Variants in BCAS3 observed in about 807,000 individuals in gnomAD.
BCAS3 encodes BCAS3 microtubule associated cell migration factor, also known as BCAS4/BCAS3 fusion.
In BCAS3, 53 loss-of-function variants were observed where a neutral mutation model predicts 116.1. The observed-to-expected ratio is 0.46, with a 90% CI of 0.37 to 0.57. The LOEUF (loss-of-function observed/expected upper bound fraction) is 0.57, where lower values mean the gene tolerates loss of function less well. Ranked by LOEUF, BCAS3 falls within the 20% of genes least tolerant of loss-of-function variation. The probability of loss-of-function intolerance (pLI) is 0.00; values close to 1 mark genes in which losing one functional copy is unlikely to be tolerated. For synonymous variants in BCAS3, 391 were observed against 408.2 expected (o/e 0.96, Z 0.51); for missense variants, 917 against 1,165.4 (o/e 0.79, Z 3.10).
chr17:61,078,360 C>T lies in BCAS3; in HGVS notation c.2158C>T (p.His720Tyr). The T allele has an allele frequency of 6.2e-7, 1 of 1,614,012 alleles. No individual in the cohort carries two copies. Among genetic ancestry groups the T allele is most frequent in the Non-Finnish European group, 8.5e-7 (1 of 1,179,940 alleles). ...QVEIVTHTGP[H>Y]RRLWMGPQFQ... ...TGAAATTGTAACACACACTGGACCC[C>T]ATAGACGTCTGTGGATGGGTCCACA... Residue 720 changes from histidine (H) to tyrosine (Y), a missense_variant, in exon 21 of 24, where the codon CAT becomes TAT. By Grantham distance (83) the His-to-Tyr change is moderately conservative (BLOSUM62 2). Around this residue, in one of 3 missense-constraint regions of BCAS3, gnomAD observed 807 missense variants for 1,026.0 expected, o/e 0.79. Transcript: ENST00000407086.
rs1260646277 is a variant in BCAS3, at chr17:61,387,028, C to T, written c.2594-4949C>T. Among the ~76,000 whole-genome samples the T allele has an allele frequency of 1.3e-5, 2 of 152,196 alleles. No homozygotes were observed. Among genetic ancestry groups the T allele is most frequent in the Non-Finnish European group, 2.9e-5 (2 of 68,022 alleles). On this transcript the variant is annotated intron_variant, in intron 23 of 23. Transcript: ENST00000407086. The surrounding 1 kb of genome is among the most constrained non-coding windows in gnomAD (Gnocchi z 6.2). Reference sequence around the variant, plus strand: ...GCTTCAAGTGATCCCCTTGCCTTGGCTTCCCAAAGTGTGGGATTACAGGTG... The same window carrying T: ...GCTTCAAGTGATCCCCTTGCCTTGGTTTCCCAAAGTGTGGGATTACAGGTG...
chr17:61,090,491 A>G (rs1005567395), intron 22 of BCAS3, among the ~76,000 whole-genome samples: 9 of 152,224 alleles, frequency 5.9e-5, no homozygotes, highest in Non-Finnish European at 1.0e-4. Context: ...GAGTAAGTGT[A>G]TACATTAAAT....
At chr17:60,911,809 C>T (rs1234574960) in intron 12 of BCAS3, among the ~76,000 whole-genome samples, 1 of 152,194 alleles carries the variant, frequency 6.6e-6, no homozygotes, top group African/African-American at 2.4e-5. Flanking sequence ...ATAGTTGCAA[C>T]TTACACAATT....
At chr17:61,193,573 C>T (rs532261415) in intron 22 of BCAS3, among the ~76,000 whole-genome samples, 1 of 151,304 alleles carries the variant, frequency 6.6e-6, no homozygotes, top group Non-Finnish European at 1.5e-5. Context: ...GTCTGACCAA[C>T]ATGAAGAAAC....
chr17:60,881,465 G>A (rs1311114475), intron 9 of BCAS3, among the ~76,000 whole-genome samples: 1 of 150,830 alleles, frequency 6.6e-6, no homozygotes, highest in African/African-American at 2.4e-5. Flanking sequence ...TATACTTTAA[G>A]TTTTAGGGTA....
intron 22 of BCAS3, among the ~76,000 whole-genome samples, chr17:61,127,642 A>G (rs1253607713): frequency 6.7e-6 from 1 of 150,114 alleles, no homozygotes. Flanking sequence ...CTACCAGGCT[A>G]GAACTTTAAG....
In BCAS3 at chr17:61,165,310, C is replaced by T. The variant is rs576601551; in HGVS notation, c.2425+80746C>T. On this transcript the variant is annotated intron_variant, in intron 22 of 23. Transcript: ENST00000407086. ...TAAAAGGGTACTTAACCTTAGTGCCCACCAATGTATATCCTGGCCACATAT... is the reference window on the plus strand; with the variant it reads ...TAAAAGGGTACTTAACCTTAGTGCCTACCAATGTATATCCTGGCCACATAT... 8.5e-5 allele frequency among the ~76,000 whole-genome samples: 13 copies of T among 152,318 alleles called. No homozygotes were observed. The South Asian group carries it at 2.3e-3, about 27-fold the overall frequency.
rs1253823819 is a variant in BCAS3 at position 61,381,843 on chromosome 17, C to T, written c.2594-10134C>T. On this transcript the variant is annotated intron_variant, in intron 23 of 23. Transcript: ENST00000407086. This position sits in a 1 kb window ranked among gnomAD's most constrained non-coding sequence, Gnocchi z 6.0. ...TGTGGGACTCTAACACAGGAGCTGG[C>T]CAGGAGTCTTAAAGGGACCTCAACC... Among the ~76,000 whole-genome samples the T allele has an allele frequency of 1.3e-5, 2 of 152,054 alleles. No homozygotes were observed. The highest frequency in any genetic ancestry group is 2.9e-5 in the Non-Finnish European group (2 of 68,028).
At position 61,026,866 on chromosome 17, in the gene BCAS3, G is replaced by A; in HGVS notation, c.1638-7800G>A. 1 of 1,596,930 alleles carries A rather than the reference G, an allele frequency of 6.3e-7. No homozygotes were observed. Among genetic ancestry groups the A allele is most frequent in the Non-Finnish European group, 8.5e-7 (1 of 1,170,654 alleles). ...GCATTTTTCCCCCTTTTCCATGAAG[G>A]CCTTATCTCTTTGGAGCGGGGTGTT... On this transcript the variant is annotated intron_variant, in intron 16 of 23. Transcript: ENST00000407086. The surrounding 1 kb of genome is among the most constrained non-coding windows in gnomAD (Gnocchi z 5.0).
chr17:61,230,717 G>A (rs1159608017), intron 22 of BCAS3, among the ~76,000 whole-genome samples: 1 of 152,102 alleles, frequency 6.6e-6, no homozygotes, highest in Non-Finnish European at 1.5e-5. Flanking sequence ...TTGATTCCAT[G>A]TCTTTACTAT....
chr17:60,720,473 A>G (rs989755869), intron 5 of BCAS3: 1 of 152,206 alleles, frequency 6.6e-6, no homozygotes, highest in African/African-American at 2.4e-5. Flanking sequence ...TTTTTCTTAA[A>G]AAATGGAGAA....
intron 22 of BCAS3, among the ~76,000 whole-genome samples, chr17:61,253,087 G>T (rs2048492958): frequency 6.6e-6 from 1 of 151,142 alleles, no homozygotes; most frequent in Admixed American, 6.6e-5. Context: ...TGTTGACCAG[G>T]CTGGTCTCGA....
At chr17:61,086,016 A>G (rs1194844882) in intron 22 of BCAS3, among the ~76,000 whole-genome samples, 1 of 152,220 alleles carries the variant, frequency 6.6e-6, no homozygotes, top group Non-Finnish European at 1.5e-5. Flanking sequence ...ATGCTGCCAA[A>G]GCAGTTACCT....
intron 2 of BCAS3, among the ~76,000 whole-genome samples, chr17:60,683,731 C>T (rs2033596005): frequency 6.6e-6 from 1 of 151,234 alleles, no homozygotes; most frequent in Admixed American, 6.6e-5. Context: ...ACTTGGGAGC[C>T]TGAGGTGGGA....
chr17:61,019,566 G>A lies in BCAS3; in HGVS notation c.1637+3665G>A, dbSNP rs1047014277. 2.6e-5 allele frequency among the ~76,000 whole-genome samples: 4 copies of A among 152,052 alleles called. No homozygotes were observed. Among genetic ancestry groups the A allele is most frequent in the African/African-American group, 4.8e-5 (2 of 41,382 alleles). On this transcript the variant is annotated intron_variant, in intron 16 of 23. Coordinates refer to ENST00000407086, the MANE Select transcript of BCAS3 (RefSeq NM_017679.5). The surrounding 1 kb of genome is among the most constrained non-coding windows in gnomAD (Gnocchi z 5.6). ...GTCAAAAGTAATATTTGATTCGTGA[G>A]AACCAAATATATTCTGTGAATTTTC...
rs1338302300 is a variant in BCAS3, at chr17:61,087,049, G to A, written c.2425+2485G>A. ...TAACGAAATCGAGGCTAAATAATTT[G>A]AGTTCTTTATGTAAACATATTTATG... is the stretch of plus-strand genomic sequence containing the variant. On this transcript the variant is annotated intron_variant, in intron 22 of 23. Coordinates refer to ENST00000407086, the MANE Select transcript of BCAS3 (RefSeq NM_017679.5). The surrounding 1 kb of genome is among the most constrained non-coding windows in gnomAD (Gnocchi z 4.6). 1.0e-6 allele frequency: 1 copy of A among 984,904 alleles called. No individual in the cohort carries two copies. Among genetic ancestry groups the A allele is most frequent in the African/African-American group, 1.7e-5 (1 of 57,216 alleles). 61.0% of individuals were successfully genotyped at this position (984,904 alleles called of 1,614,324 possible). A position where few individuals can be genotyped will look rare whatever the true frequency, so the allele number is the denominator to read the frequency against.
Position 60,830,269 on chromosome 17 carries a change from G to A in BCAS3, c.476+22193G>A, listed in dbSNP as rs973227031. ...CTCCCAAAGTCCTGGGATTATAGGC[G>A]TGAGCCACTGCGCCCAGCCTGAACA... On this transcript the variant is annotated intron_variant, in intron 7 of 23. Coordinates refer to ENST00000407086, the MANE Select transcript of BCAS3 (RefSeq NM_017679.5). Among the ~76,000 whole-genome samples, 7 of 152,198 alleles carry A rather than the reference G, an allele frequency of 4.6e-5. No homozygotes were observed. The East Asian group carries it at 7.7e-4, about 17-fold the overall frequency.
intron 4 of BCAS3, among the ~76,000 whole-genome samples, chr17:60,693,648 A>C (rs2035176425): frequency 6.6e-6 from 1 of 151,482 alleles, no homozygotes; most frequent in African/African-American, 2.4e-5. Flanking sequence ...CCTGGGCTCA[A>C]GCAGTCCTCC....
At chr17:61,182,114 T>A (rs1417306595) in intron 22 of BCAS3, among the ~76,000 whole-genome samples, 2 of 152,178 alleles carry the variant, frequency 1.3e-5, no homozygotes, top group Non-Finnish European at 2.9e-5. Context: ...CCTCAAGTGA[T>A]CCTCCCACTT....
Sources: allele counts gnomAD v4.1 joint callset (sites outside exome capture counted in the v4.1 genomes callset), GRCh38; gene constraint gnomAD v4.1.1; regional missense constraint gnomAD v4.1.1; non-coding constraint Gnocchi (gnomAD v3.1); transcripts MANE v1.5; gene names NCBI Gene and HGNC (gene_info 2026-07-23, HGNC 2026-07-21).